Variants in PDGFD observed in about 807,000 individuals in gnomAD.
PDGFD encodes platelet-derived growth factor D.
A neutral mutation model predicts 44.7 loss-of-function variants in PDGFD; 30 were observed. The ratio of observed to expected loss-of-function variants is 0.67; its 90% CI spans 0.50 to 0.91. The LOEUF is 0.91. Among genes scored for constraint, PDGFD ranks in the 40% least tolerant of loss-of-function variants. The probability of loss-of-function intolerance (pLI) is 0.00; values close to 1 mark genes in which losing one functional copy is unlikely to be tolerated. For synonymous variants in PDGFD, 173 were observed against 168.4 expected, an observed-to-expected ratio of 1.03 and a Z score of -0.21; for missense variants, 445 against 457.8, an observed-to-expected ratio of 0.97 and a Z score of 0.25.
At chr11:103,912,757 T>C (rs11226070) in intron 6 of PDGFD, among the ~76,000 whole-genome samples, 69,144 of 150,910 alleles carry the variant, frequency 0.46, 15,842 homozygotes, top group South Asian at 0.49. Context: ...AAGACACACA[T>C]AGGCTCAAAA....
intron 1 of PDGFD, among the ~76,000 whole-genome samples, chr11:104,021,878 G>A (rs764615585): frequency 2.6e-5 from 4 of 152,120 alleles, no homozygotes; most frequent in Non-Finnish European, 5.9e-5. Context: ...CTTGGGTACA[G>A]GCATAGAGGA....
At chr11:104,161,172 G>C (rs1393087087) in intron 1 of PDGFD, among the ~76,000 whole-genome samples, 1 of 152,102 alleles carries the variant, frequency 6.6e-6, no homozygotes, top group Admixed American at 6.5e-5. Flanking sequence ...CTAATTTTTT[G>C]TTGTGATTTC....
intron 6 of PDGFD, among the ~76,000 whole-genome samples, chr11:103,915,794 T>C (rs1202600517): frequency 6.6e-6 from 1 of 152,110 alleles, no homozygotes; most frequent in Non-Finnish European, 1.5e-5. Flanking sequence ...CACTGCAATC[T>C]ACATCCATCT....
intron 4 of PDGFD, among the ~76,000 whole-genome samples, chr11:103,945,107 G>A (rs76941499): frequency 0.025 from 3,878 of 152,114 alleles, 172 homozygotes; most frequent in African/African-American, 0.089. Context: ...CATTTATCTG[G>A]AGGCACGGTC....
intron 3 of PDGFD, 113 bp from the exon 4 acceptor site, chr11:103,947,837 A>G (rs1480175980): frequency 2.6e-6 from 2 of 771,226 alleles, no homozygotes; most frequent in Non-Finnish European, 4.6e-6. Flanking sequence ...GACAACAGAC[A>G]TAGGGCTATA....
intron 6 of PDGFD, among the ~76,000 whole-genome samples, chr11:103,923,638 C>T (rs553323267): frequency 1.3e-5 from 2 of 152,288 alleles, no homozygotes; most frequent in African/African-American, 2.4e-5. Context: ...CCTAATGAGA[C>T]TAGGCTCAAG....
chr11:103,983,856 A>G (rs564948117), intron 3 of PDGFD, among the ~76,000 whole-genome samples: 1 of 151,954 alleles, frequency 6.6e-6, no homozygotes, highest in South Asian at 2.1e-4. Context: ...ACAATGAGAT[A>G]CCATCTTACA....
chr11:103,982,365 G>A (rs1027093076), intron 3 of PDGFD, among the ~76,000 whole-genome samples: 4 of 151,744 alleles, frequency 2.6e-5, no homozygotes, highest in Admixed American at 6.6e-5. Context: ...CCTGCTGAGC[G>A]CAATGCACAG....
chr11:104,033,530 T>G (rs1318492291), intron 1 of PDGFD, among the ~76,000 whole-genome samples: 4 of 152,184 alleles, frequency 2.6e-5, no homozygotes, highest in African/African-American at 7.2e-5. Flanking sequence ...AATTTAAATA[T>G]GTTCAGTATG....
chr11:104,099,227 A>G (rs142847923), intron 1 of PDGFD, among the ~76,000 whole-genome samples: 1 of 152,326 alleles, frequency 6.6e-6, no homozygotes, highest in East Asian at 1.9e-4. Context: ...ATTGTGTTTT[A>G]GTTATGCAGT....
At chr11:104,129,834 C>A (rs1861891891) in intron 1 of PDGFD, among the ~76,000 whole-genome samples, 1 of 151,808 alleles carries the variant, frequency 6.6e-6, no homozygotes, top group African/African-American at 2.4e-5. Flanking sequence ...CATGGTGAAA[C>A]CGTGCTTCTA....
chr11:104,039,887 A>T (rs1177396862), intron 1 of PDGFD, among the ~76,000 whole-genome samples: 4 of 152,104 alleles, frequency 2.6e-5, no homozygotes, highest in Admixed American at 1.3e-4. Flanking sequence ...AGGGTGTCTG[A>T]CCCTTTAAAG....
At chr11:104,138,602 A>T (rs1862042416) in intron 1 of PDGFD, among the ~76,000 whole-genome samples, 1 of 152,224 alleles carries the variant, frequency 6.6e-6, no homozygotes, top group African/African-American at 2.4e-5. Context: ...CTGACTCTGC[A>T]GGTGTCTGCA....
intron 3 of PDGFD, among the ~76,000 whole-genome samples, chr11:103,964,338 T>C (rs1454258766): frequency 6.6e-6 from 1 of 152,118 alleles, no homozygotes; most frequent in African/African-American, 2.4e-5. Flanking sequence ...GAAACAGACC[T>C]TTGTTTCTAT....
chr11:104,140,233 C>T (rs573156705), intron 1 of PDGFD, among the ~76,000 whole-genome samples: 1 of 152,268 alleles, frequency 6.6e-6, no homozygotes, highest in East Asian at 1.9e-4. Flanking sequence ...TGCCAATTAG[C>T]ATTTTGTTGA....
intron 6 of PDGFD, among the ~76,000 whole-genome samples, chr11:103,922,893 C>T (rs73614211): frequency 6.6e-6 from 1 of 152,034 alleles, no homozygotes; most frequent in Non-Finnish European, 1.5e-5. Flanking sequence ...GAATCCTTAT[C>T]TCCAAAGACA....
At chr11:103,998,328 C>T (rs1207362859) in intron 2 of PDGFD, among the ~76,000 whole-genome samples, 1 of 152,142 alleles carries the variant, frequency 6.6e-6, no homozygotes, top group African/African-American at 2.4e-5. Flanking sequence ...AAGAACAAGA[C>T]ATGATTAGAG....
At chr11:103,963,689 T>C (rs888915440) in intron 3 of PDGFD, among the ~76,000 whole-genome samples, 2 of 152,196 alleles carry the variant, frequency 1.3e-5, no homozygotes, top group Non-Finnish European at 2.9e-5. Flanking sequence ...TTACCATCTA[T>C]ATATCTAAAG....
chr11:104,064,183 T>C (rs1860753656), intron 1 of PDGFD, among the ~76,000 whole-genome samples: 1 of 152,250 alleles, frequency 6.6e-6, no homozygotes, highest in Non-Finnish European at 1.5e-5. Flanking sequence ...GCCTTTACAA[T>C]GTGTTCTTTC....
Sources: gnomAD v4.1 joint callset for allele counts (sites outside exome capture counted in the v4.1 genomes callset) on GRCh38, gnomAD v4.1.1 for gene constraint, MANE v1.5 for transcripts, NCBI Gene and HGNC (gene_info 2026-07-23, HGNC 2026-07-21) for gene names.